Variants in ZDHHC14 observed in about 807,000 individuals in gnomAD.
ZDHHC14 encodes palmitoyltransferase ZDHHC14.
A neutral mutation model predicts 47.7 loss-of-function variants in ZDHHC14; 16 were observed. The observed-to-expected ratio is 0.34, with a 90% confidence interval of 0.23 to 0.51. The LOEUF (loss-of-function observed/expected upper bound fraction) is 0.51, where lower values mean the gene tolerates loss of function less well. Ranked by LOEUF, ZDHHC14 falls within the 20% of genes least tolerant of loss-of-function variation. The pLI, the probability that ZDHHC14 is intolerant of heterozygous loss-of-function variation, is 0.97. For synonymous variants in ZDHHC14, 293 were observed against 278.9 expected (o/e 1.05, Z -0.50); for missense variants, 515 against 662.5 (o/e 0.78, Z 2.44).
intron 5 of ZDHHC14, among the ~76,000 whole-genome samples, chr6:157,634,501 G>A (rs1776868529): frequency 6.6e-6 from 1 of 152,190 alleles, no homozygotes; most frequent in Admixed American, 6.5e-5. Flanking sequence ...TGTTTTCAGA[G>A]AACATTGCTT....
intron 1 of ZDHHC14, among the ~76,000 whole-genome samples, chr6:157,516,156 T>C (rs1024761116): frequency 3.3e-5 from 5 of 152,220 alleles, no homozygotes; most frequent in Admixed American, 6.5e-5. Context: ...GCAAGCTATG[T>C]CTATGTTGTT....
chr6:157,620,724 AC>A (rs1785155219), intron 3 of ZDHHC14, among the ~76,000 whole-genome samples: 1 of 152,144 alleles, frequency 6.6e-6, no homozygotes, highest in African/African-American at 2.4e-5. Context: ...GGCCTTGGGT[AC>A]CCATCACCCG....
chr6:157,494,029 G>C (rs1779995790), intron 1 of ZDHHC14, among the ~76,000 whole-genome samples: 1 of 152,244 alleles, frequency 6.6e-6, no homozygotes, highest in African/African-American at 2.4e-5. Flanking sequence ...TGTTTGTAAA[G>C]AAGAGTGGTC....
chr6:157,457,500 C>A lies in ZDHHC14; in HGVS notation c.245+75234C>A, dbSNP rs556876972. 2.6e-5 allele frequency among the ~76,000 whole-genome samples: 4 copies of A among 152,270 alleles called. No individual in the cohort carries two copies. In the South Asian group the frequency reaches 8.3e-4, roughly 32 times the overall value. On this transcript the variant is annotated intron_variant, in intron 1 of 8. Coordinates refer to ENST00000359775, the MANE Select transcript of ZDHHC14 (RefSeq NM_024630.3). ...AGCCTGTACTGTTCTTACTTTCTGCCTTTGTCAGCAAGTAGGAGTACACAA... is the reference window on the plus strand; with the variant it reads ...AGCCTGTACTGTTCTTACTTTCTGCATTTGTCAGCAAGTAGGAGTACACAA...
chr6:157,550,184 G>A (rs1464342097), intron 2 of ZDHHC14, among the ~76,000 whole-genome samples: 1 of 152,214 alleles, frequency 6.6e-6, no homozygotes, highest in Non-Finnish European at 1.5e-5. Context: ...GAATTCCTAA[G>A]TTCACATAGG....
At chr6:157,527,968 G>C (rs1266879480) in intron 1 of ZDHHC14, among the ~76,000 whole-genome samples, 1 of 152,068 alleles carries the variant, frequency 6.6e-6, no homozygotes, top group East Asian at 1.9e-4. Flanking sequence ...CCATCTGCTT[G>C]GCAAAATTCA....
In ZDHHC14 at chr6:157,444,656, C is replaced by T. The variant is rs901644364; in HGVS notation, c.245+62390C>T. On this transcript the variant is annotated intron_variant, in intron 1 of 8. Transcript: ENST00000359775. ...TTGCACCATTGCACCCCAGCCTGGG[C>T]GACCGAGAGAGACTCCGTCAAAAAA... Among the ~76,000 whole-genome samples, 4 of 149,602 alleles carry T rather than the reference C, an allele frequency of 2.7e-5. No individual in the cohort carries two copies. In the Middle Eastern group the frequency reaches 0.011, roughly 395 times the overall value.
At chr6:157,661,088 A>C (rs1439796027) in intron 8 of ZDHHC14, among the ~76,000 whole-genome samples, 1 of 151,574 alleles carries the variant, frequency 6.6e-6, no homozygotes, top group Non-Finnish European at 1.5e-5. Context: ...AAGCACAGGC[A>C]TGTGTGGGGC....
At chr6:157,664,444 G>A (rs534462069) in intron 8 of ZDHHC14, among the ~76,000 whole-genome samples, 7 of 152,242 alleles carry the variant, frequency 4.6e-5, no homozygotes, top group African/African-American at 1.7e-4. Flanking sequence ...GTTACAGCAA[G>A]CAGTTCAGGT....
chr6:157,587,718 C>T (rs1211319663), intron 2 of ZDHHC14, among the ~76,000 whole-genome samples: 1 of 152,196 alleles, frequency 6.6e-6, no homozygotes, highest in Non-Finnish European at 1.5e-5. Context: ...TAATTCATGG[C>T]CAGTAGCAGT....
chr6:157,490,253 G>A (rs1233522825), intron 1 of ZDHHC14, among the ~76,000 whole-genome samples: 2 of 152,194 alleles, frequency 1.3e-5, no homozygotes, highest in African/African-American at 4.8e-5. Context: ...ACAGATATAA[G>A]CGTTGTTCAT....
At chr6:157,413,381 C>T (rs374694034) in intron 1 of ZDHHC14, among the ~76,000 whole-genome samples, 11 of 152,274 alleles carry the variant, frequency 7.2e-5, no homozygotes, top group South Asian at 2.1e-4. Flanking sequence ...CTCGTCTCCT[C>T]GCCTGGCATC....
intron 3 of ZDHHC14, among the ~76,000 whole-genome samples, chr6:157,600,034 G>A (rs1784280286): frequency 6.6e-6 from 1 of 152,198 alleles, no homozygotes; most frequent in Non-Finnish European, 1.5e-5. Context: ...AAACTGAAAA[G>A]TTTTATGAAG....
chr6:157,453,073 C>A (rs1382118984), intron 1 of ZDHHC14, among the ~76,000 whole-genome samples: 1 of 152,060 alleles, frequency 6.6e-6, no homozygotes, highest in Admixed American at 6.6e-5. Flanking sequence ...CTGTTGTATT[C>A]CTTTTTTCAC....
At chr6:157,658,693 T>G (rs1778210343) in intron 8 of ZDHHC14, among the ~76,000 whole-genome samples, 1 of 152,234 alleles carries the variant, frequency 6.6e-6, no homozygotes, top group African/African-American at 2.4e-5. Flanking sequence ...TAATCCTTTT[T>G]ATATGTTGCT....
chr6:157,653,068 C>T (rs972436740), intron 7 of ZDHHC14, among the ~76,000 whole-genome samples: 1 of 152,134 alleles, frequency 6.6e-6, no homozygotes, highest in Non-Finnish European at 1.5e-5. Context: ...TGCATGCTGG[C>T]GGGGCTGTGG....
chr6:157,531,946 G>A lies in ZDHHC14; in HGVS notation c.246-10639G>A, dbSNP rs558438100. ...GGGCCTGGCCTCGTTCTGCGGGATG[G>A]GCGTGGGGGTGCCAGCTCCCTGGCA... On this transcript the variant is annotated intron_variant, in intron 1 of 8. Coordinates refer to ENST00000359775, the MANE Select transcript of ZDHHC14 (RefSeq NM_024630.3). Among the ~76,000 whole-genome samples the A allele has an allele frequency of 3.3e-5, 5 of 152,394 alleles. No individual in the cohort carries two copies. In the South Asian group the frequency reaches 8.3e-4, roughly 25 times the overall value.
At chr6:157,478,241 C>A (rs1316628896) in intron 1 of ZDHHC14, among the ~76,000 whole-genome samples, 2 of 152,068 alleles carry the variant, frequency 1.3e-5, no homozygotes, top group African/African-American at 2.4e-5. Context: ...AAAAATTGAA[C>A]AATGATAGAG....
intron 8 of ZDHHC14, 87 bp from the exon 9 acceptor site, chr6:157,672,624 ACCCCACCCTCCCC>A: frequency 3.7e-6 from 1 of 273,138 alleles, no homozygotes; most frequent in Non-Finnish European, 7.2e-6. Flanking sequence ...CTCTTCTCGC[ACCCCACCCTCCCC>A]GCCCGTGCCC....
Sources: allele counts gnomAD v4.1 joint callset (sites outside exome capture counted in the v4.1 genomes callset), GRCh38; gene constraint gnomAD v4.1.1; transcripts MANE v1.5; gene names NCBI Gene and HGNC (gene_info 2026-07-23, HGNC 2026-07-21).